Variants in TRPM5 observed in about 807,000 individuals in gnomAD.
The protein encoded by TRPM5 is MLSN1 and TRP-related.
In TRPM5, 121 loss-of-function variants were observed where a neutral mutation model predicts 124.9. The observed-to-expected ratio is 0.97, with a 90% CI of 0.84 to 1.13. TRPM5 has a LOEUF of 1.13. Ranked by LOEUF, TRPM5 falls within the 50% of genes most tolerant of loss-of-function variation. TRPM5 has a pLI of 0.00. For missense variants in TRPM5, 1,643 were observed against 1,589.1 expected (o/e 1.03, Z -0.58); for synonymous variants, 781 against 700.5 (o/e 1.11, Z -1.81).
Position 2,414,738 on chromosome 11 carries a change from G to T in TRPM5, c.1721C>A (p.Ala574Glu), listed in dbSNP as rs574409874. ...ACCAAGGGCCAGCCGCTCGTATTTC[G>T]CCTCGCGCGTGGCTCGGGCCGCCTC... Residue 574 changes from alanine (A) to glutamate (E), a missense_variant, in exon 11 of 24, where the codon GCG becomes GAG. Ala to Glu is a moderately radical substitution (Grantham distance 107). Coordinates refer to ENST00000155858, the Ensembl canonical transcript of TRPM5. The T allele has an allele frequency of 4.4e-4, 680 of 1,544,292 alleles. No homozygotes were observed. Among genetic ancestry groups the T allele is most frequent in the Non-Finnish European group, 5.4e-4 (619 of 1,144,570 alleles).
chr11:2,434,530 G>A, the TRPM5 span, among the ~76,000 whole-genome samples: 2 of 151,238 alleles, frequency 1.3e-5, no homozygotes, highest in Admixed American at 6.6e-5. Context: ...CTGTGAGAAT[G>A]CTGTGTATGA....
exon 22 of TRPM5, chr11:2,406,067 G>T (rs200741906): frequency 2.5e-6 from 4 of 1,612,002 alleles, no homozygotes; most frequent in Non-Finnish European, 3.4e-6. Context: ...TCAGACCCCC[G>T]AGGTACTTGG....
At chr11:2,421,065 G>A (rs1845765730) in exon 3 of TRPM5, 8 of 1,548,508 alleles carry the variant, frequency 5.2e-6, no homozygotes, top group African/African-American at 1.4e-5. Flanking sequence ...GGTGCAGGAC[G>A]CGGCCCAGCG....
upstream of TRPM5, among the ~76,000 whole-genome samples, chr11:2,425,514 A>G (rs902183174): frequency 3.3e-5 from 5 of 152,070 alleles, no homozygotes; most frequent in Non-Finnish European, 7.3e-5. Flanking sequence ...ACGAGGTCAT[A>G]TTCTAAGGTT....
intron 4 of TRPM5, among the ~76,000 whole-genome samples, chr11:2,418,994 G>A (rs1346263070): frequency 1.3e-5 from 2 of 152,224 alleles, no homozygotes; most frequent in South Asian, 2.1e-4. Flanking sequence ...AACTGAAGAG[G>A]TACAGGAGGG....
chr11:2,412,909 C>A, exon 15 of TRPM5: 1 of 1,598,136 alleles, frequency 6.3e-7, no homozygotes, highest in Non-Finnish European at 8.5e-7. Context: ...CCCAGGAACA[C>A]AGTCACGGGA....
Position 2,412,132 on chromosome 11 carries a change from G to T in TRPM5, c.2474+3C>A. 6.2e-7 allele frequency: 1 copy of T among 1,611,708 alleles called. No individual in the cohort carries two copies. The highest frequency in any genetic ancestry group is 8.5e-7 in the Non-Finnish European group (1 of 1,178,574). On this transcript the variant is annotated splice_donor_region_variant and intron_variant, in intron 16 of 23. Coordinates refer to ENST00000155858, the Ensembl canonical transcript of TRPM5. ...GGCCACACGGCCTCTGGGCCCCACA[G>T]ACCTGCAGGTGACACCCACGATGAA...
At chr11:2,424,549 G>A (rs921049296), upstream of TRPM5, among the ~76,000 whole-genome samples, 3 of 152,240 alleles carry the variant, frequency 2.0e-5, no homozygotes, top group African/African-American at 7.2e-5. Flanking sequence ...ATAGAGAAAG[G>A]GGACATTTGG....
At chr11:2,412,609 C>G in intron 15 of TRPM5, 145 bp downstream of exon 20, 1 of 914,622 alleles carries the variant, frequency 1.1e-6, no homozygotes, top group Non-Finnish European at 1.6e-6. Flanking sequence ...GGATCATGGC[C>G]GCTGGTGACT....
chr11:2,414,110 A>G (rs1349497272), exon 12 of TRPM5: 2 of 1,590,974 alleles, frequency 1.3e-6, no homozygotes, highest in African/African-American at 2.7e-5. Flanking sequence ...CTCGGTGGCC[A>G]GGTGCAGGCA....
exon 15 of TRPM5, chr11:2,412,973 G>A (rs867767715): frequency 1.2e-6 from 2 of 1,606,244 alleles, no homozygotes; most frequent in Non-Finnish European, 1.7e-6. Context: ...GTGGGCCTCG[G>A]TCACCCTGAG....
upstream of TRPM5, among the ~76,000 whole-genome samples, chr11:2,426,549 C>A (rs1045650681): frequency 6.6e-6 from 1 of 152,100 alleles, no homozygotes; most frequent in Non-Finnish European, 1.5e-5. Flanking sequence ...GCCCCCCAGA[C>A]GGTGAAGGCG....
exon 22 of TRPM5, chr11:2,406,081 T>C (rs1288366864): frequency 6.2e-6 from 10 of 1,611,830 alleles, no homozygotes; most frequent in Non-Finnish European, 8.5e-6. Context: ...TACTTGGCAA[T>C]GAAGTCCACT....
chr11:2,409,297 G>C (rs1005076846), intron 18 of TRPM5, among the ~76,000 whole-genome samples: 2 of 152,096 alleles, frequency 1.3e-5, no homozygotes, highest in Non-Finnish European at 2.9e-5. Context: ...TCTCCTCCCT[G>C]CACTCTGGAG....
upstream of TRPM5, among the ~76,000 whole-genome samples, chr11:2,424,207 T>G (rs988102774): frequency 3.3e-5 from 5 of 152,348 alleles, no homozygotes; most frequent in East Asian, 5.8e-4. Context: ...GAGAAGACAA[T>G]GGACCGTTCT....
the TRPM5 span, among the ~76,000 whole-genome samples, chr11:2,437,194 C>T: frequency 6.6e-6 from 1 of 152,260 alleles, no homozygotes; most frequent in African/African-American, 2.4e-5. This position sits in a 1 kb window ranked among gnomAD's most constrained non-coding sequence, Gnocchi z 5.6. Context: ...CATACTTGCA[C>T]ACATGTGGGC....
intron 22 of TRPM5, 41 bp downstream of exon 27, chr11:2,405,977 AC>A: frequency 1.9e-6 from 3 of 1,569,286 alleles, no homozygotes; most frequent in Non-Finnish European, 2.6e-6. Context: ...CCACGCAGCC[AC>A]CCGCCTCCCA....
At chr11:2,412,945 T>C (rs745420233) in exon 15 of TRPM5, 1 of 1,605,228 alleles carries the variant, frequency 6.2e-7, no homozygotes, top group Non-Finnish European at 8.5e-7. Flanking sequence ...CGCCAGCGTG[T>C]GAGCAGGAAG....
At chr11:2,409,329 G>A (rs1850394577) in intron 18 of TRPM5, among the ~76,000 whole-genome samples, 1 of 152,168 alleles carries the variant, frequency 6.6e-6, no homozygotes, top group Non-Finnish European at 1.5e-5. Context: ...GGCCAGCCTG[G>A]AGAGCCTGTT....
Sources: allele counts gnomAD v4.1 joint callset (sites outside exome capture counted in the v4.1 genomes callset), GRCh38; gene constraint gnomAD v4.1.1; non-coding constraint Gnocchi (gnomAD v3.1); transcripts MANE v1.5; gene names NCBI Gene and HGNC (gene_info 2026-07-23, HGNC 2026-07-21).